Variants in LRCH1 observed in about 807,000 individuals in gnomAD.
The protein encoded by LRCH1 is leucine rich repeats and calponin homology domain containing 1.
LRCH1 carries 23 observed loss-of-function variants against 94.9 expected under a neutral mutation model. That is an observed-to-expected ratio of 0.24 (90% CI 0.17 to 0.34). The LOEUF (loss-of-function observed/expected upper bound fraction) is 0.34, where lower values mean the gene tolerates loss of function less well. Ranked by LOEUF, LRCH1 falls within the 10% of genes least tolerant of loss-of-function variation. The pLI, the probability that LRCH1 is intolerant of heterozygous loss-of-function variation, is 1.00. For synonymous variants in LRCH1, 364 were observed against 354.9 expected (o/e 1.03, Z -0.29); for missense variants, 790 against 945.9 (o/e 0.84, Z 2.16).
intron 1 of LRCH1, among the ~76,000 whole-genome samples, chr13:46,606,008 T>C (rs532574164): frequency 6.6e-6 from 1 of 152,142 alleles, no homozygotes; most frequent in African/African-American, 2.4e-5. Context: ...AGTAAGTGAG[T>C]GATGAAGCTG....
chr13:46,659,688 G>A (rs1176212989), intron 2 of LRCH1, among the ~76,000 whole-genome samples: 2 of 152,196 alleles, frequency 1.3e-5, no homozygotes, highest in African/African-American at 2.4e-5. Flanking sequence ...GTGGGTGGCT[G>A]TGGGGGGTGG....
chr13:46,711,876 G>T, intron 14 of LRCH1, 32 bp downstream of exon 14: 1 of 1,545,088 alleles, frequency 6.5e-7, no homozygotes, highest in Non-Finnish European at 8.9e-7. Context: ...GGAAGGTGAG[G>T]TGTTTCTTGA....
At chr13:46,644,424 A>T (rs9534450) in intron 1 of LRCH1, among the ~76,000 whole-genome samples, 99,493 of 152,052 alleles carry the variant, frequency 0.65, 32,814 homozygotes, top group East Asian at 0.85. Flanking sequence ...GTAGTTTTCC[A>T]TTTCCGTAGC....
intron 13 of LRCH1, among the ~76,000 whole-genome samples, chr13:46,710,933 C>T (rs1872029301): frequency 6.6e-6 from 1 of 152,048 alleles, no homozygotes; most frequent in Non-Finnish European, 1.5e-5. Flanking sequence ...GCTGGTTTTA[C>T]AAGATTTTGC....
chr13:46,631,515 C>T (rs2051017211), intron 1 of LRCH1, among the ~76,000 whole-genome samples: 1 of 152,030 alleles, frequency 6.6e-6, no homozygotes, highest in African/African-American at 2.4e-5. Context: ...TGTGGAAGAC[C>T]GTTAGTATGT....
chr13:46,690,507 G>T (rs925251602), intron 7 of LRCH1, among the ~76,000 whole-genome samples: 5 of 152,112 alleles, frequency 3.3e-5, no homozygotes, highest in Admixed American at 2.0e-4. Context: ...ATTACATAAA[G>T]AACTTCATTA....
chr13:46,580,184 C>T (rs2050349064), intron 1 of LRCH1, among the ~76,000 whole-genome samples: 1 of 152,170 alleles, frequency 6.6e-6, no homozygotes, highest in Non-Finnish European at 1.5e-5. Flanking sequence ...TAAGCTAGCT[C>T]TGAGAAAGCT....
At position 46,573,303 on chromosome 13, in the gene LRCH1, A is replaced by G. The variant is rs529053189; in HGVS notation, c.307+19600A>G. Among the ~76,000 whole-genome samples, 33 of 152,314 alleles carry G rather than the reference A, an allele frequency of 2.2e-4. No homozygotes were observed. The South Asian group carries it at 5.0e-3, about 23-fold the overall frequency. Reference sequence around the variant, plus strand: ...AGTGAATAAATGGCTGGATGAATGAATGGAATGCATGAAGGCTGGACTCTG... The same window carrying G: ...AGTGAATAAATGGCTGGATGAATGAGTGGAATGCATGAAGGCTGGACTCTG... On this transcript the variant is annotated intron_variant, in intron 1 of 19. Coordinates refer to ENST00000389797, the MANE Select transcript of LRCH1 (RefSeq NM_001164211.2).
intron 3 of LRCH1, 45 bp from the exon 4 acceptor site, chr13:46,681,696 C>T: frequency 1.5e-6 from 2 of 1,328,844 alleles, no homozygotes; most frequent in East Asian, 2.3e-5. Context: ...TGCTTGATTT[C>T]CTGGAAAAAG....
At chr13:46,678,792 A>G (rs957522889) in intron 3 of LRCH1, among the ~76,000 whole-genome samples, 1 of 152,208 alleles carries the variant, frequency 6.6e-6, no homozygotes, top group African/African-American at 2.4e-5. Flanking sequence ...GATTAGAGAA[A>G]CAGCATATTT....
intron 1 of LRCH1, among the ~76,000 whole-genome samples, chr13:46,590,270 C>G (rs1488391920): frequency 1.3e-5 from 2 of 152,126 alleles, no homozygotes; most frequent in African/African-American, 4.8e-5. Flanking sequence ...GACTGGGTTT[C>G]CTGTCCTCCC....
chr13:46,703,844 A>G (rs1327004398), intron 11 of LRCH1, among the ~76,000 whole-genome samples: 2 of 152,128 alleles, frequency 1.3e-5, no homozygotes, highest in East Asian at 1.9e-4. Flanking sequence ...AAATTTAGAA[A>G]AACTGGAAGG....
At chr13:46,701,590 A>G (rs1871476584) in intron 11 of LRCH1, among the ~76,000 whole-genome samples, 1 of 152,250 alleles carries the variant, frequency 6.6e-6, no homozygotes, top group Non-Finnish European at 1.5e-5. Flanking sequence ...AAGAATTGGT[A>G]TATCAAGTAG....
intron 1 of LRCH1, among the ~76,000 whole-genome samples, chr13:46,565,919 T>TCTA (rs565292022): frequency 0.016 from 2,438 of 151,854 alleles, 73 homozygotes; most frequent in African/African-American, 0.054. Flanking sequence ...AAGAGTGTGT[T>TCTA]CAGGTTTCTC....
In LRCH1 at chr13:46,705,086, A is replaced by T; in HGVS notation, c.1419A>T (p.Thr473=). The stretch of plus-strand genomic sequence containing the variant: ...TCTTTAGATTAAGCACAGATATTAC[A>T]GAGAGAAGTGTTTTAAACCTATATC... The part of the protein sequence containing the change: ...QDPNGLSTDI[T]ERSVLNLYPM... The change falls in exon 12 of 20, where the codon ACA becomes ACT. Residue 473 remains threonine (T), a synonymous_variant. Transcript: ENST00000389797. 6.3e-7 allele frequency: 1 copy of T among 1,592,452 alleles called. No individual in the cohort carries two copies. The highest frequency in any genetic ancestry group is 8.6e-7 in the Non-Finnish European group (1 of 1,166,374).
rs1376256045 is a variant in LRCH1 at position 46,703,098 on chromosome 13, G to A, written c.1400+1891G>A. Among the ~76,000 whole-genome samples the A allele has an allele frequency of 3.3e-5, 5 of 152,172 alleles. 1 individual carries two copies. Among genetic ancestry groups the A allele is most frequent in the South Asian group, 4.1e-4 (2 of 4,828 alleles). ...AGAGTTGAATTCTACATCCCAAGCCGGGGCAGTTAGTGAAAGGGCAGGAAA... is the reference window on the plus strand; with the variant it reads ...AGAGTTGAATTCTACATCCCAAGCCAGGGCAGTTAGTGAAAGGGCAGGAAA... On this transcript the variant is annotated intron_variant, in intron 11 of 19. Coordinates refer to ENST00000389797, the MANE Select transcript of LRCH1 (RefSeq NM_001164211.2).
intron 1 of LRCH1, among the ~76,000 whole-genome samples, chr13:46,642,590 T>A (rs899497285): frequency 2.0e-5 from 3 of 152,238 alleles, no homozygotes; most frequent in Non-Finnish European, 4.4e-5. Flanking sequence ...TCTGATTGTA[T>A]CAGAAACTAG....
rs1594293878 is a variant in LRCH1, at chr13:46,623,353, A to C, written c.308-26848A>C. Among the ~76,000 whole-genome samples the C allele has an allele frequency of 5.3e-5, 8 of 152,280 alleles. No individual in the cohort carries two copies. In the South Asian group the frequency reaches 1.7e-3, roughly 32 times the overall value. ...ATGGTGGGGAAAGACATATTTAATA[A>C]AAGGATTGTAATGGGGAGAAAGTAA... On this transcript the variant is annotated intron_variant, in intron 1 of 19. Transcript: ENST00000389797.
At chr13:46,559,449 A>T (rs1297512456) in intron 1 of LRCH1, among the ~76,000 whole-genome samples, 1 of 152,158 alleles carries the variant, frequency 6.6e-6, no homozygotes, top group Non-Finnish European at 1.5e-5. Context: ...CTGTTAAGGT[A>T]TAGATAAATT....
Sources: gnomAD v4.1 joint callset for allele counts (sites outside exome capture counted in the v4.1 genomes callset) on GRCh38, gnomAD v4.1.1 for gene constraint, MANE v1.5 for transcripts, NCBI Gene and HGNC (gene_info 2026-07-23, HGNC 2026-07-21) for gene names.